INPP4A: variants seen among roughly 807,000 people sequenced by gnomAD.
The protein encoded by INPP4A is inositol polyphosphate-4-phosphatase, type I, 107kD.
A neutral mutation model predicts 119.8 loss-of-function variants in INPP4A; 33 were observed. The ratio of observed to expected loss-of-function variants is 0.28; its 90% confidence interval spans 0.21 to 0.37. INPP4A has a LOEUF of 0.37. Ranked by LOEUF, INPP4A falls within the 10% of genes least tolerant of loss-of-function variation. The probability of loss-of-function intolerance (pLI) is 1.00; values close to 1 mark genes in which losing one functional copy is unlikely to be tolerated. For synonymous variants in INPP4A, 496 were observed against 500.7 expected (o/e 0.99, Z 0.12); for missense variants, 956 against 1,289.9 (o/e 0.74, Z 3.97).
rs1359757309 is a variant in INPP4A at position 98,469,118 on chromosome 2, G to C, written c.-166+24033G>C. 2.0e-5 allele frequency among the ~76,000 whole-genome samples: 3 copies of C among 152,320 alleles called. No homozygotes were observed. The East Asian group carries it at 5.8e-4, about 29-fold the overall frequency. On this transcript the variant is annotated intron_variant, in intron 1 of 24. Coordinates refer to ENST00000409851, the MANE Select transcript of INPP4A (RefSeq NM_001134225.2). ...TGTGCTAATTAGTGTAATCCTGGGT[G>C]GGGCCAGCATGACATTTGCCACCTT...
intron 1 of INPP4A, among the ~76,000 whole-genome samples, chr2:98,481,006 T>G (rs1291904944): frequency 6.6e-6 from 1 of 152,200 alleles, no homozygotes; most frequent in African/African-American, 2.4e-5. Flanking sequence ...GTGTGCAGTT[T>G]AGGAAACTGA....
At chr2:98,543,191 G>A (rs1691830850) in intron 10 of INPP4A, among the ~76,000 whole-genome samples, 1 of 152,196 alleles carries the variant, frequency 6.6e-6, no homozygotes, top group South Asian at 2.1e-4. Context: ...AATCAGAGGT[G>A]CCAGCTCCCA....
chr2:98,475,747 T>C (rs904016710), intron 1 of INPP4A, among the ~76,000 whole-genome samples: 2 of 152,074 alleles, frequency 1.3e-5, no homozygotes, highest in African/African-American at 4.8e-5. Context: ...CCTGCTTTTC[T>C]CACCTGGGGT....
intron 1 of INPP4A, among the ~76,000 whole-genome samples, chr2:98,501,907 A>G (rs1397013725): frequency 6.6e-6 from 1 of 152,240 alleles, no homozygotes; most frequent in Non-Finnish European, 1.5e-5. Context: ...TGAGCTGAGC[A>G]GTGCTGTGAA....
In INPP4A at chr2:98,500,620, A is replaced by AG. The variant is rs1403704381; in HGVS notation, c.-165-18339dup. On this transcript the variant is annotated intron_variant, in intron 1 of 24. Transcript: ENST00000409851. Reference sequence around the variant, plus strand: ...GGAATTTGTAGTCTAGGAACAGGGTAGGGGGTCAGTGGATGGGAACTTACT... The same window carrying AG: ...GGAATTTGTAGTCTAGGAACAGGGTAGGGGGGTCAGTGGATGGGAACTTACT... 2.6e-5 allele frequency among the ~76,000 whole-genome samples: 4 copies of AG among 152,162 alleles called. No homozygotes were observed. In the East Asian group the frequency reaches 7.7e-4, roughly 29 times the overall value.
intron 1 of INPP4A, among the ~76,000 whole-genome samples, chr2:98,470,607 T>C (rs528869495): frequency 7.2e-5 from 11 of 151,870 alleles, no homozygotes; most frequent in Admixed American, 2.6e-4. Context: ...TGGTGTGACC[T>C]CTGGTTAGAC....
chr2:98,585,278 G>C (rs577390032), intron 24 of INPP4A, among the ~76,000 whole-genome samples: 5 of 152,314 alleles, frequency 3.3e-5, no homozygotes, highest in African/African-American at 1.2e-4. Context: ...GAGTTCTCAA[G>C]TGGAAGACCC....
chr2:98,572,365 C>T (rs1281966359), intron 22 of INPP4A, among the ~76,000 whole-genome samples: 1 of 152,226 alleles, frequency 6.6e-6, no homozygotes, highest in Non-Finnish European at 1.5e-5. Context: ...GCCAAGGGCC[C>T]CCTGGAGGAG....
chr2:98,553,548 C>T (rs757258175), intron 14 of INPP4A, among the ~76,000 whole-genome samples: 19 of 150,712 alleles, frequency 1.3e-4, no homozygotes, highest in Non-Finnish European at 2.2e-4. Flanking sequence ...CACACAAACA[C>T]GCTCTCATAC....
In INPP4A at chr2:98,556,278, A is replaced by G. The variant is rs529644914; in HGVS notation, c.1822+470A>G. Among the ~76,000 whole-genome samples, 6 of 152,346 alleles carry G rather than the reference A, an allele frequency of 3.9e-5. No individual in the cohort carries two copies. In the South Asian group the frequency reaches 1.0e-3, roughly 26 times the overall value. ...TGGACATGTCTAAAAGCTGGTTGGCATTGGCTGGGCACTCTCTTATGCAGC... is the reference window on the plus strand; with the variant it reads ...TGGACATGTCTAAAAGCTGGTTGGCGTTGGCTGGGCACTCTCTTATGCAGC... On this transcript the variant is annotated intron_variant, in intron 16 of 24. Transcript: ENST00000409851.
chr2:98,478,166 C>T (rs1010271405), intron 1 of INPP4A, among the ~76,000 whole-genome samples: 4 of 152,116 alleles, frequency 2.6e-5, no homozygotes, highest in African/African-American at 9.7e-5. Context: ...TAAAATAGAG[C>T]GCACTTTAAT....
intron 1 of INPP4A, among the ~76,000 whole-genome samples, chr2:98,501,645 C>T (rs1438969126): frequency 6.6e-6 from 1 of 152,128 alleles, no homozygotes; most frequent in South Asian, 2.1e-4. Flanking sequence ...AGAATAAACA[C>T]CATTGTTACC....
At chr2:98,469,300 C>G (rs1372939551) in intron 1 of INPP4A, among the ~76,000 whole-genome samples, 3 of 151,816 alleles carry the variant, frequency 2.0e-5, no homozygotes, top group Admixed American at 6.6e-5. Context: ...AGTTCAAGAC[C>G]AGCCTGGCCA....
intron 1 of INPP4A, among the ~76,000 whole-genome samples, chr2:98,498,789 T>C (rs1230949942): frequency 6.6e-6 from 1 of 152,182 alleles, no homozygotes; most frequent in Admixed American, 6.5e-5. Flanking sequence ...GGTGTCCTTA[T>C]AAGAAGAGAC....
intron 10 of INPP4A, among the ~76,000 whole-genome samples, chr2:98,542,786 T>G (rs1258224839): frequency 6.6e-6 from 1 of 152,092 alleles, no homozygotes; most frequent in Admixed American, 6.5e-5. Context: ...AATTCCTCTT[T>G]TTCTTCTCTT....
chr2:98,546,171 T>G lies in INPP4A; in HGVS notation c.1054+98T>G, dbSNP rs1414097690. On this transcript the variant is annotated intron_variant, in intron 12 of 24. Coordinates refer to ENST00000409851, the MANE Select transcript of INPP4A (RefSeq NM_001134225.2). This position sits in a 1 kb window ranked among gnomAD's most constrained non-coding sequence, Gnocchi z 4.2. ...TACCCCACATCTGCCCATTTCCCTG[T>G]GTGCTCTGGGCGGCTCGGAGGAGAG... is the stretch of plus-strand genomic sequence containing the variant. 1 of 848,372 alleles carries G rather than the reference T, an allele frequency of 1.2e-6. No individual in the cohort carries two copies. The highest frequency in any genetic ancestry group is 2.7e-5 in the East Asian group (1 of 37,418). The allele number at this position is 848,372 out of a possible 1,614,324, so 52.6% of individuals were successfully genotyped here.
At chr2:98,536,107 C>T (rs560604245) in intron 6 of INPP4A, 22 bp from the exon 7 acceptor site, 6 of 1,534,356 alleles carry the variant, frequency 3.9e-6, no homozygotes, top group African/African-American at 2.7e-5. Context: ...CCAATGCTGC[C>T]TCTCTTCCTT....
At chr2:98,477,779 C>T (rs935846852) in intron 1 of INPP4A, among the ~76,000 whole-genome samples, 2 of 152,206 alleles carry the variant, frequency 1.3e-5, no homozygotes, top group South Asian at 2.1e-4. Context: ...GTGGGTCTTG[C>T]CCAGGAGACA....
chr2:98,559,431 A>T, intron 16 of INPP4A, 32 bp from the exon 17 acceptor site: 1 of 1,613,548 alleles, frequency 6.2e-7, no homozygotes, highest in Non-Finnish European at 8.5e-7. Context: ...GCTGCTCCTT[A>T]ATCATCCATG....
Sources: allele counts gnomAD v4.1 joint callset (sites outside exome capture counted in the v4.1 genomes callset), GRCh38; gene constraint gnomAD v4.1.1; non-coding constraint Gnocchi (gnomAD v3.1); transcripts MANE v1.5; gene names NCBI Gene and HGNC (gene_info 2026-07-23, HGNC 2026-07-21).